Variants in UMODL1 observed in about 807,000 individuals in gnomAD.
UMODL1 encodes uromodulin like 1, also known as uromodulin-like 1.
Under a neutral mutation model 136.3 loss-of-function variants are expected in UMODL1, and 128 were observed. The ratio of observed to expected loss-of-function variants is 0.94; its 90% CI spans 0.81 to 1.09. The LOEUF (loss-of-function observed/expected upper bound fraction) is 1.09. Ranked by LOEUF, UMODL1 falls within the 50% of genes least tolerant of loss-of-function variation. The probability of loss-of-function intolerance (pLI) is 0.00; values close to 1 mark genes in which losing one functional copy is unlikely to be tolerated. For missense variants in UMODL1, 1,766 were observed against 1,725.6 expected, an observed-to-expected ratio of 1.02 and a Z score of -0.41; for synonymous variants, 721 against 720.0, an observed-to-expected ratio of 1.00 and a Z score of -0.02.
At chr21:42,133,391 C>G (rs1224500653) in intron 21 of UMODL1, among the ~76,000 whole-genome samples, 1 of 152,238 alleles carries the variant, frequency 6.6e-6, no homozygotes, top group Non-Finnish European at 1.5e-5. Context: ...CGAGCTGGGC[C>G]TGCGAGTGCA....
intron 9 of UMODL1, among the ~76,000 whole-genome samples, chr21:42,105,096 G>T (rs1384517731): frequency 2.0e-5 from 3 of 152,200 alleles, no homozygotes; most frequent in Non-Finnish European, 2.9e-5. Flanking sequence ...AACTGGGTTG[G>T]GTGTGGGGGG....
In UMODL1 at chr21:42,086,585, G is replaced by T. The variant is rs115490606; in HGVS notation, c.603+1173G>T. On this transcript the variant is annotated intron_variant, in intron 4 of 22. Coordinates refer to ENST00000408910, the MANE Select transcript of UMODL1 (RefSeq NM_001004416.3). Reference sequence around the variant, plus strand: ...AAGAAACTAGCTCTGAAGCCACACTGCCTGGCCCTAGTGTTGCCACTCATC... The same window carrying T: ...AAGAAACTAGCTCTGAAGCCACACTTCCTGGCCCTAGTGTTGCCACTCATC... 3.1e-3 allele frequency: 1,412 copies of T among 455,574 alleles called. 16 individuals are homozygous for T. Among genetic ancestry groups the T allele is most frequent in the African/African-American group, 0.026 (1,310 of 50,160 alleles). 28.2% of individuals were successfully genotyped at this position (455,574 alleles called of 1,614,324 possible).
At chr21:42,081,213 T>G (rs56301443) in intron 2 of UMODL1, among the ~76,000 whole-genome samples, 20,947 of 152,014 alleles carry the variant, frequency 0.14, 1,529 homozygotes, top group South Asian at 0.22. Context: ...CAGGGGCCCT[T>G]TGGTGAGAAC....
chr21:42,075,954 A>AAT (rs772170995), intron 1 of UMODL1, 51 bp from the exon 2 acceptor site: 1 of 1,602,790 alleles, frequency 6.2e-7, no homozygotes, highest in Admixed American at 1.7e-5. Context: ...AACCGCTCGC[A>AAT]CGGATCTGAT....
In UMODL1 at chr21:42,076,193, A is replaced by C; in HGVS notation, c.265A>C (p.Asn89His). The change falls in exon 2 of 23, where the codon AAC (asparagine) becomes CAC (histidine). Residue 89 changes from asparagine to histidine, a missense_variant. By Grantham distance (68) the Asn-to-His change is moderately conservative. Coordinates refer to ENST00000408910, the MANE Select transcript of UMODL1 (RefSeq NM_001004416.3). Reference protein sequence around the residue: ...YLVVEVPESRNVTDCCEGYEQ... With the variant: ...YLVVEVPESRHVTDCCEGYEQ... The stretch of plus-strand genomic sequence containing the variant: ...GGTAGTGGAGGTCCCCGAGTCCAGG[A>C]ACGTGACTGACTGCTGTGAGGGCTA... 1 of 1,614,256 alleles carries C rather than the reference A, an allele frequency of 6.2e-7. No homozygotes were observed. The highest frequency in any genetic ancestry group is 8.5e-7 in the Non-Finnish European group (1 of 1,180,044).
At chr21:42,070,521 T>C (rs1272892597), upstream of UMODL1, among the ~76,000 whole-genome samples, 1 of 152,262 alleles carries the variant, frequency 6.6e-6, no homozygotes, top group Non-Finnish European at 1.5e-5. Flanking sequence ...TCCATGCTTA[T>C]ATAACTGTAC....
chr21:42,068,566 G>A (rs1046272879), upstream of UMODL1, among the ~76,000 whole-genome samples: 25 of 152,066 alleles, frequency 1.6e-4, no homozygotes, highest in African/African-American at 6.0e-4. This position sits in a 1 kb window ranked among gnomAD's most constrained non-coding sequence, Gnocchi z 5.5. Flanking sequence ...AAACCCAGCT[G>A]GCCACCCCTT....
rs1676196415 is a variant in UMODL1, at chr21:42,084,191, G to C, written c.427G>C (p.Glu143Gln). Residue 143 changes from glutamate (E) to glutamine (Q), a missense_variant, in exon 3 of 23, where the codon GAG becomes CAG. Physicochemically the swap from Glu to Gln is conservative, Grantham distance 29 (BLOSUM62 2). Coordinates refer to ENST00000408910, the MANE Select transcript of UMODL1 (RefSeq NM_001004416.3). ...CTTGGACATCGACTGTCCTGGACTT[G>C]AGAAGTGCTGCCCCTGGTCAGGGGG... Reference protein sequence around the residue: ...CSLDIDCPGLEKCCPWSGGRY... With the variant: ...CSLDIDCPGLQKCCPWSGGRY... The C allele has an allele frequency of 6.2e-7, 1 of 1,613,960 alleles. No individual in the cohort carries two copies. The highest frequency in any genetic ancestry group is 8.5e-7 in the Non-Finnish European group (1 of 1,180,026).
chr21:42,107,619 T>G lies in UMODL1; in HGVS notation c.1520-1943T>G, dbSNP rs546934144. On this transcript the variant is annotated intron_variant, in intron 9 of 22. Transcript: ENST00000408910. ...GGTGGCATTAGGATGAGGTGCTCTG[T>G]GCCCTCTTTCTCCCAGTGTGAATCT... Among the ~76,000 whole-genome samples the G allele has an allele frequency of 1.8e-4, 28 of 152,330 alleles. No individual in the cohort carries two copies. In the East Asian group the frequency reaches 5.0e-3, roughly 27 times the overall value.
In UMODL1 at chr21:42,085,197, C is replaced by T; in HGVS notation, c.482-94C>T. On this transcript the variant is annotated intron_variant, in intron 3 of 22. Transcript: ENST00000408910. This position sits in a 1 kb window ranked among gnomAD's most constrained non-coding sequence, Gnocchi z 4.5. ...TGCAGAGCAGGGCCTCTCATGGCCTCTGGTTCCCTCTCCTGCCCCCTCTCC... is the reference window on the plus strand; with the variant it reads ...TGCAGAGCAGGGCCTCTCATGGCCTTTGGTTCCCTCTCCTGCCCCCTCTCC... The T allele has an allele frequency of 6.6e-7, 1 of 1,504,292 alleles. No homozygotes were observed. Among genetic ancestry groups the T allele is most frequent in the South Asian group, 1.3e-5 (1 of 77,754 alleles). 93.2% of individuals were successfully genotyped at this position (1,504,292 alleles called of 1,614,324 possible). A position where few individuals can be genotyped will look rare whatever the true frequency, so the allele number is the denominator to read the frequency against.
rs546051086 is a variant in UMODL1 at position 42,098,913 on chromosome 21, T to C, written c.932-13T>C. 2 of 1,613,364 alleles carry C rather than the reference T, an allele frequency of 1.2e-6. No individual in the cohort carries two copies. The highest frequency in any genetic ancestry group is 2.7e-5 in the African/African-American group (2 of 75,046). On this transcript the variant is annotated splice_polypyrimidine_tract_variant and intron_variant, in intron 6 of 22. Transcript: ENST00000408910. ...TGACCCTTTGCTCATCTTCTCTGTCTGTGCTTTCGTAGATTGTCCTCCAGT... is the reference window on the plus strand; with the variant it reads ...TGACCCTTTGCTCATCTTCTCTGTCCGTGCTTTCGTAGATTGTCCTCCAGT...
chr21:42,090,511 G>A, intron 6 of UMODL1, 73 bp downstream of exon 6: 1 of 1,569,522 alleles, frequency 6.4e-7, no homozygotes, highest in Admixed American at 1.7e-5. Context: ...CTCACCAGCA[G>A]TGCTTACAGC....
chr21:42,126,537 C>A, intron 18 of UMODL1, 47 bp downstream of exon 18: 2 of 1,613,108 alleles, frequency 1.2e-6, no homozygotes, highest in Non-Finnish European at 1.7e-6. Context: ...TGCCTCCAGA[C>A]CACCTGCGCT....
At chr21:42,141,860 C>T (rs1040176981) in intron 22 of UMODL1, among the ~76,000 whole-genome samples, 3 of 152,200 alleles carry the variant, frequency 2.0e-5, no homozygotes, top group Non-Finnish European at 2.9e-5. Context: ...CACCAGTTGG[C>T]GTGTCAGGAG....
chr21:42,137,888 AG>A (rs2067230190), intron 22 of UMODL1, among the ~76,000 whole-genome samples: 1 of 151,654 alleles, frequency 6.6e-6, no homozygotes, highest in Non-Finnish European at 1.5e-5. Flanking sequence ...GATTCAGCCA[AG>A]GGTAGATATG....
intron 22 of UMODL1, among the ~76,000 whole-genome samples, chr21:42,141,339 G>T (rs899657292): frequency 2.0e-4 from 30 of 152,162 alleles, no homozygotes; most frequent in Non-Finnish European, 3.7e-4. Flanking sequence ...CTCCTGCCAG[G>T]ACTCCTGGTA....
At chr21:42,100,173 C>T (rs1601213936) in intron 7 of UMODL1, among the ~76,000 whole-genome samples, 1 of 152,120 alleles carries the variant, frequency 6.6e-6, no homozygotes, top group Non-Finnish European at 1.5e-5. Flanking sequence ...TGCTGGGGCT[C>T]CATTCTGGTT....
intron 5 of UMODL1, among the ~76,000 whole-genome samples, chr21:42,089,563 A>T (rs1392559434): frequency 6.6e-6 from 1 of 152,220 alleles, no homozygotes; most frequent in Non-Finnish European, 1.5e-5. Context: ...TGTTAGAAAG[A>T]ACCTGTTATA....
chr21:42,108,973 A>C (rs1252549910), intron 9 of UMODL1, among the ~76,000 whole-genome samples: 8 of 66,174 alleles, frequency 1.2e-4, no homozygotes, highest in East Asian at 5.7e-4. Flanking sequence ...CTGGCATGTA[A>C]AGCTGGTGTT....
Sources: allele counts gnomAD v4.1 joint callset (sites outside exome capture counted in the v4.1 genomes callset), GRCh38; gene constraint gnomAD v4.1.1; non-coding constraint Gnocchi (gnomAD v3.1); transcripts MANE v1.5; gene names NCBI Gene and HGNC (gene_info 2026-07-23, HGNC 2026-07-21).